NOL4L: variants seen among roughly 807,000 people sequenced by gnomAD.
The protein encoded by NOL4L is nucleolar protein 4-like.
In NOL4L, 7 loss-of-function variants were observed where a neutral mutation model predicts 64.5. The ratio of observed to expected loss-of-function variants is 0.11; its 90% CI spans 0.06 to 0.20. NOL4L has a LOEUF of 0.20. NOL4L is among the 10% of genes least tolerant of loss of function. The pLI is 1.00. For synonymous variants in NOL4L, 413 were observed against 401.0 expected (o/e 1.03, Z -0.36); for missense variants, 680 against 967.1 (o/e 0.70, Z 3.94).
At chr20:32,510,110 C>G (rs571072981) in intron 4 of NOL4L, 13 of 428,884 alleles carry the variant, frequency 3.0e-5, no homozygotes, top group South Asian at 2.5e-4. Flanking sequence ...GAAACCCAAC[C>G]CAAGCCCATT....
At chr20:32,515,582 C>T (rs1274780941) in intron 3 of NOL4L, among the ~76,000 whole-genome samples, 8 of 150,874 alleles carry the variant, frequency 5.3e-5, no homozygotes, top group Admixed American at 1.3e-4. Context: ...CAGTGGAAGC[C>T]GCAGAGTCAG....
intron 1 of NOL4L, among the ~76,000 whole-genome samples, chr20:32,570,384 A>G (rs1228409754): frequency 6.6e-6 from 1 of 152,158 alleles, no homozygotes; most frequent in Non-Finnish European, 1.5e-5. Flanking sequence ...CTGCCTTCCC[A>G]ATAAGGAACC....
chr20:32,509,411 G>A (rs769863557), intron 4 of NOL4L, among the ~76,000 whole-genome samples: 43 of 151,554 alleles, frequency 2.8e-4, no homozygotes, highest in Middle Eastern at 3.4e-3. Context: ...CCAGCTACTC[G>A]GGAGGCTGAG....
chr20:32,468,010 A>G (rs1204741161), intron 5 of NOL4L, among the ~76,000 whole-genome samples: 1 of 152,160 alleles, frequency 6.6e-6, no homozygotes, highest in African/African-American at 2.4e-5. Flanking sequence ...ACCCAAGGGC[A>G]GCAGGGGCCA....
chr20:32,484,036 G>GTGGGGGC, intron 4 of NOL4L, among the ~76,000 whole-genome samples: 1 of 151,786 alleles, frequency 6.6e-6, no homozygotes, highest in African/African-American at 2.4e-5. Context: ...TCTGGGTCCG[G>GTGGGGGC]TGGGGGCTGG....
At chr20:32,563,633 T>G (rs1368192269) in intron 1 of NOL4L, among the ~76,000 whole-genome samples, 1 of 152,026 alleles carries the variant, frequency 6.6e-6, no homozygotes, top group Admixed American at 6.5e-5. Context: ...ACAACGGCAG[T>G]AATCCTAACA....
chr20:32,584,441 G>T, intron 1 of NOL4L, 129 bp downstream of exon 1: 1 of 747,876 alleles, frequency 1.3e-6, no homozygotes, highest in Non-Finnish European at 1.8e-6. Flanking sequence ...TGCGCCTCCG[G>T]CGGGCCCGAC....
chr20:32,454,241 G>A (rs750428702), intron 6 of NOL4L, among the ~76,000 whole-genome samples: 4 of 152,226 alleles, frequency 2.6e-5, no homozygotes, highest in Admixed American at 6.5e-5. Flanking sequence ...CCAAAGCAAC[G>A]AGCATGCTGT....
chr20:32,571,725 A>G (rs1486527768), intron 1 of NOL4L, among the ~76,000 whole-genome samples: 1 of 152,136 alleles, frequency 6.6e-6, no homozygotes, highest in Admixed American at 6.5e-5. Context: ...GCCCAAGATC[A>G]TGCACTGGCC....
At chr20:32,498,218 G>C (rs1248331994) in intron 4 of NOL4L, among the ~76,000 whole-genome samples, 1 of 152,116 alleles carries the variant, frequency 6.6e-6, no homozygotes, top group Admixed American at 6.5e-5. Context: ...GAAGTGAGAG[G>C]AAAGAAAAGA....
At chr20:32,559,907 G>T (rs943584521) in intron 1 of NOL4L, among the ~76,000 whole-genome samples, 1 of 152,224 alleles carries the variant, frequency 6.6e-6, no homozygotes, top group East Asian at 1.9e-4. Context: ...TCCCTGAGCC[G>T]CCAGCAGGCC....
intron 1 of NOL4L, among the ~76,000 whole-genome samples, chr20:32,575,548 CTG>C (rs1466362575): frequency 6.6e-6 from 1 of 152,200 alleles, no homozygotes; most frequent in Non-Finnish European, 1.5e-5. Context: ...CTCAGGGCCT[CTG>C]TGTAGAACTA....
intron 5 of NOL4L, 107 bp from the exon 6 acceptor site, chr20:32,456,502 G>A (rs2013544914): frequency 2.5e-6 from 3 of 1,177,366 alleles, no homozygotes; most frequent in African/African-American, 1.6e-5. Context: ...CCCTGGGTTG[G>A]GGTGAGTGCT....
chr20:32,495,404 C>T (rs938717230), intron 4 of NOL4L, among the ~76,000 whole-genome samples: 1 of 152,140 alleles, frequency 6.6e-6, no homozygotes, highest in Non-Finnish European at 1.5e-5. Flanking sequence ...AGCCAAAGCT[C>T]AGGGCTGCCC....
At chr20:32,552,494 C>T (rs1183641681) in intron 1 of NOL4L, among the ~76,000 whole-genome samples, 1 of 152,076 alleles carries the variant, frequency 6.6e-6, no homozygotes, top group African/African-American at 2.4e-5. Flanking sequence ...CAAGACCAGC[C>T]TAGCCAACAT....
intron 1 of NOL4L, among the ~76,000 whole-genome samples, chr20:32,575,181 GC>G (rs1420343017): frequency 6.6e-6 from 1 of 152,052 alleles, no homozygotes; most frequent in African/African-American, 2.4e-5. Flanking sequence ...TCCCTGCTGT[GC>G]CTGATGCGAT....
intron 1 of NOL4L, chr20:32,548,888 T>G (rs1241274459): frequency 4.8e-6 from 2 of 418,918 alleles, no homozygotes; most frequent in Admixed American, 5.9e-5. Flanking sequence ...ACTACACAGC[T>G]GTAAAAAAGA....
intron 4 of NOL4L, among the ~76,000 whole-genome samples, chr20:32,506,757 G>C (rs886145169): frequency 6.6e-6 from 1 of 152,128 alleles, no homozygotes; most frequent in Non-Finnish European, 1.5e-5. Context: ...CTGCTGTTTT[G>C]TCCCCTCTAC....
chr20:32,457,644 G>C (rs1408022968), intron 5 of NOL4L, among the ~76,000 whole-genome samples: 1 of 152,196 alleles, frequency 6.6e-6, no homozygotes, highest in Non-Finnish European at 1.5e-5. Flanking sequence ...CCGGGCAGAG[G>C]GGGATGGGAG....
Sources: allele counts gnomAD v4.1 joint callset (sites outside exome capture counted in the v4.1 genomes callset), GRCh38; gene constraint gnomAD v4.1.1; transcripts MANE v1.5; gene names NCBI Gene and HGNC (gene_info 2026-07-23, HGNC 2026-07-21).